Variants in GALNTL6 observed in about 807,000 individuals in gnomAD.
The protein encoded by GALNTL6 is polypeptide N-acetylgalactosaminyltransferase like 6.
GALNTL6 carries 46 observed loss-of-function variants against 73.7 expected under a neutral mutation model. The observed-to-expected ratio is 0.62, with a 90% confidence interval of 0.49 to 0.80. GALNTL6 has a LOEUF of 0.80. Ranked by LOEUF, GALNTL6 falls within the 30% of genes least tolerant of loss-of-function variation. The probability of loss-of-function intolerance (pLI) is 0.00; values close to 1 mark genes in which losing one functional copy is unlikely to be tolerated. For synonymous variants in GALNTL6, 259 were observed against 263.7 expected, an observed-to-expected ratio of 0.98 and a Z score of 0.17; for missense variants, 604 against 755.0, an observed-to-expected ratio of 0.80 and a Z score of 2.34.
At chr4:172,377,618 C>A (rs535917745) in intron 5 of GALNTL6, among the ~76,000 whole-genome samples, 1 of 152,122 alleles carries the variant, frequency 6.6e-6, no homozygotes, top group South Asian at 2.1e-4. Flanking sequence ...TCGGGCCACA[C>A]GGGAGCCCAC....
In GALNTL6 at chr4:172,070,045, G is replaced by A. The variant is rs184728696; in HGVS notation, c.139-159611G>A. Among the ~76,000 whole-genome samples, 7 of 108,774 alleles carry A rather than the reference G, an allele frequency of 6.4e-5. 2 individuals carry two copies. The highest frequency in any genetic ancestry group is 2.4e-4 in the African/African-American group (7 of 28,836). 71.4% of individuals were successfully genotyped at this position (108,774 alleles called of 152,430 possible). A position where few individuals can be genotyped will look rare whatever the true frequency, so the allele number is the denominator to read the frequency against. On this transcript the variant is annotated intron_variant, in intron 2 of 12. Transcript: ENST00000506823. ...GATAAGGTAGTATAGGAAAATGTGA[G>A]CTATGGAGTCATCTTGTGGAGAACA...
intron 2 of GALNTL6, among the ~76,000 whole-genome samples, chr4:172,038,957 A>T (rs1742011821): frequency 6.6e-6 from 1 of 152,126 alleles, no homozygotes; most frequent in African/African-American, 2.4e-5. Context: ...CTTTTTTATT[A>T]TTCACTACAA....
chr4:172,654,104 G>A (rs1427428126), intron 5 of GALNTL6, among the ~76,000 whole-genome samples: 2 of 152,072 alleles, frequency 1.3e-5, no homozygotes, highest in African/African-American at 2.4e-5. Flanking sequence ...AGCCATTTTC[G>A]TTGGAAATAT....
chr4:172,313,053 A>C (rs59315566), intron 4 of GALNTL6, among the ~76,000 whole-genome samples: 2,234 of 152,140 alleles, frequency 0.015, 54 homozygotes, highest in African/African-American at 0.05. Flanking sequence ...TCAAAGATGC[A>C]TTAAGTTGCA....
intron 5 of GALNTL6, among the ~76,000 whole-genome samples, chr4:172,483,623 G>A (rs1001401502): frequency 2.0e-5 from 3 of 152,154 alleles, no homozygotes; most frequent in Middle Eastern, 3.2e-3. Flanking sequence ...AAAATTGAAC[G>A]AACTGGGAGA....
intron 2 of GALNTL6, among the ~76,000 whole-genome samples, chr4:171,996,739 A>G (rs1193787320): frequency 6.6e-6 from 1 of 151,058 alleles, no homozygotes; most frequent in African/African-American, 2.5e-5. Context: ...AAAAAAAAAA[A>G]AAAACTCACA....
intron 5 of GALNTL6, among the ~76,000 whole-genome samples, chr4:172,613,794 C>T (rs897647819): frequency 6.6e-6 from 1 of 152,098 alleles, no homozygotes; most frequent in Non-Finnish European, 1.5e-5. Context: ...CCTTCCTCTG[C>T]TATTTACTTT....
intron 5 of GALNTL6, among the ~76,000 whole-genome samples, chr4:172,767,874 T>G (rs1357422106): frequency 2.0e-5 from 3 of 152,038 alleles, no homozygotes; most frequent in Non-Finnish European, 4.4e-5. Context: ...TTCACCATGT[T>G]GAACAGGATG....
intron 2 of GALNTL6, among the ~76,000 whole-genome samples, chr4:172,074,967 G>A (rs1332897974): frequency 1.3e-5 from 2 of 152,074 alleles, no homozygotes; most frequent in Non-Finnish European, 2.9e-5. Flanking sequence ...TAGTATGTTT[G>A]AAACATTTTG....
At chr4:172,552,837 T>TAAACAAAAAAAAAAAAAAAAAAAAA (rs1736004363) in intron 5 of GALNTL6, among the ~76,000 whole-genome samples, 1 of 80,410 alleles carries the variant, frequency 1.2e-5, no homozygotes, top group African/African-American at 5.9e-5. Flanking sequence ...GTAATTGCAG[T>TAAACAAAAAAAAAAAAAAAAAAAAA]AAAAAAAAAA....
chr4:172,870,167 G>A (rs1050091587), intron 7 of GALNTL6, among the ~76,000 whole-genome samples: 10 of 151,968 alleles, frequency 6.6e-5, no homozygotes, highest in African/African-American at 1.5e-4. Flanking sequence ...AACATTTAAG[G>A]ATCATAAAGA....
intron 2 of GALNTL6, among the ~76,000 whole-genome samples, chr4:172,057,032 GT>G (rs1731037027): frequency 6.6e-6 from 1 of 152,068 alleles, no homozygotes; most frequent in South Asian, 2.1e-4. Flanking sequence ...GGTTTGAACT[GT>G]TACTTCAATC....
chr4:172,157,260 C>T (rs1579194316), intron 2 of GALNTL6, among the ~76,000 whole-genome samples: 1 of 152,120 alleles, frequency 6.6e-6, no homozygotes, highest in African/African-American at 2.4e-5. Flanking sequence ...AAAACTATAT[C>T]GAGTCTCAGA....
At chr4:171,842,673 C>G (rs1173196163) in intron 2 of GALNTL6, among the ~76,000 whole-genome samples, 1 of 151,926 alleles carries the variant, frequency 6.6e-6, no homozygotes, top group Non-Finnish European at 1.5e-5. Flanking sequence ...TCTTAAACAA[C>G]CAGATCCCCA....
chr4:171,959,260 T>C (rs2111044180), intron 2 of GALNTL6, among the ~76,000 whole-genome samples: 1 of 152,256 alleles, frequency 6.6e-6, no homozygotes, highest in South Asian at 2.1e-4. Flanking sequence ...GTTGAGAAAT[T>C]GTTGCCTTAT....
At chr4:172,715,226 G>T (rs533886920) in intron 5 of GALNTL6, among the ~76,000 whole-genome samples, 1 of 152,270 alleles carries the variant, frequency 6.6e-6, no homozygotes, top group South Asian at 2.1e-4. Flanking sequence ...CTTTATGAAG[G>T]TAGTAAGAAA....
chr4:172,666,383 G>T (rs1731666520), intron 5 of GALNTL6, among the ~76,000 whole-genome samples: 1 of 152,088 alleles, frequency 6.6e-6, no homozygotes, highest in Non-Finnish European at 1.5e-5. Context: ...TAAAAACTGG[G>T]GAAGATAAAT....
At chr4:171,950,482 CTTT>C (rs149650644) in intron 2 of GALNTL6, among the ~76,000 whole-genome samples, 66,867 of 141,316 alleles carry the variant, frequency 0.47, 15,876 homozygotes, top group Middle Eastern at 0.63. Context: ...CTTTTCTTTT[CTTT>C]TTTTTTTTTT....
chr4:172,298,949 C>T (rs1739795378), intron 3 of GALNTL6, among the ~76,000 whole-genome samples: 1 of 152,300 alleles, frequency 6.6e-6, no homozygotes, highest in East Asian at 1.9e-4. Flanking sequence ...ATGGTACCAG[C>T]TCCTCCTTGT....
Sources: allele counts gnomAD v4.1 joint callset (sites outside exome capture counted in the v4.1 genomes callset), GRCh38; gene constraint gnomAD v4.1.1; transcripts MANE v1.5; gene names NCBI Gene and HGNC (gene_info 2026-07-23, HGNC 2026-07-21).